The following LIN52 variants were observed in gnomAD, a reference collection of about 807,000 sequenced individuals.
The protein encoded by LIN52 is lin-52 DREAM MuvB core complex component, also known as protein lin-52 homolog.
LIN52 carries 4 observed loss-of-function variants against 18.5 expected under a neutral mutation model. That is an observed-to-expected ratio of 0.22 (90% CI 0.11 to 0.49). LIN52 has a LOEUF of 0.49. Ranked by LOEUF, LIN52 falls within the 20% of genes least tolerant of loss-of-function variation. The pLI is 0.97. For synonymous variants in LIN52, 34 were observed against 45.5 expected, an observed-to-expected ratio of 0.75 and a Z score of 1.02; for missense variants, 102 against 139.5, an observed-to-expected ratio of 0.73 and a Z score of 1.35.
chr14:74,126,047 A>AG (rs2061028203), intron 5 of LIN52, among the ~76,000 whole-genome samples: 2 of 132,500 alleles, frequency 1.5e-5, no homozygotes, highest in East Asian at 5.7e-4. Flanking sequence ...AAAAAAAAAA[A>AG]AAAGAAATGA....
chr14:74,143,142 A>G (rs1194098892), intron 5 of LIN52, among the ~76,000 whole-genome samples: 2 of 152,140 alleles, frequency 1.3e-5, no homozygotes, highest in African/African-American at 4.8e-5. Flanking sequence ...AGTATAAATT[A>G]TCAATTTCCT....
At chr14:74,186,995 C>T (rs940365036) in intron 5 of LIN52, among the ~76,000 whole-genome samples, 2 of 152,038 alleles carry the variant, frequency 1.3e-5, no homozygotes, top group Admixed American at 6.6e-5. Flanking sequence ...ACAAGAATCA[C>T]TTGAATGGGA....
chr14:74,176,031 G>A (rs115405363), intron 5 of LIN52, among the ~76,000 whole-genome samples: 2,402 of 152,136 alleles, frequency 0.016, 62 homozygotes, highest in African/African-American at 0.054. Flanking sequence ...TAGGATCATG[G>A]GCATTACTCT....
rs35116380 is a variant in LIN52 at position 74,162,475 on chromosome 14, C to CAAA, written c.284-36429_284-36427dup. On this transcript the variant is annotated intron_variant, in intron 5 of 5. Transcript: ENST00000555028. The stretch of plus-strand genomic sequence containing the variant: ...AGCAACAAAGCAAGACTCCATCTCA[C>CAAA]AAAAAAAAAAAAAAAAAAAAGATTG... Among the ~76,000 whole-genome samples the CAAA allele has an allele frequency of 7.5e-3, 712 of 95,204 alleles. 24 individuals are homozygous for CAAA. Among genetic ancestry groups the CAAA allele is most frequent in the Middle Eastern group, 0.023 (4 of 174 alleles). The allele number at this position is 95,204 out of a possible 152,430, so 62.5% of individuals were successfully genotyped here.
chr14:74,169,096 T>C (rs889871086), intron 5 of LIN52, among the ~76,000 whole-genome samples: 3 of 152,276 alleles, frequency 2.0e-5, no homozygotes, highest in East Asian at 1.9e-4. Flanking sequence ...ATGTTAAAAT[T>C]TGGAAACTCT....
chr14:74,174,730 G>T (rs1006916322), intron 5 of LIN52: 1 of 151,064 alleles, frequency 6.6e-6, no homozygotes, highest in Non-Finnish European at 1.5e-5. Flanking sequence ...TCCAGCTTGG[G>T]CAACAAAGTG....
chr14:74,133,788 A>G (rs1381327547), intron 5 of LIN52, among the ~76,000 whole-genome samples: 1 of 152,198 alleles, frequency 6.6e-6, no homozygotes, highest in Non-Finnish European at 1.5e-5. Context: ...ACCTTCAGAG[A>G]TGGCAGTGGG....
At chr14:74,196,392 AG>A (rs2078912419) in intron 5 of LIN52, among the ~76,000 whole-genome samples, 2 of 152,222 alleles carry the variant, frequency 1.3e-5, no homozygotes, top group South Asian at 4.1e-4. Context: ...GAAGGTCAGC[AG>A]GCAGAAATCA....
chr14:74,101,130 G>A (rs2060851252), intron 4 of LIN52, 25 bp from the exon 5 acceptor site: 1 of 1,590,616 alleles, frequency 6.3e-7, no homozygotes, highest in Non-Finnish European at 8.6e-7. Flanking sequence ...AAGAAATGAT[G>A]TTGAAATAAA....
At chr14:74,098,713 A>G (rs1336145225) in intron 4 of LIN52, among the ~76,000 whole-genome samples, 1 of 151,702 alleles carries the variant, frequency 6.6e-6, no homozygotes, top group Admixed American at 6.6e-5. Context: ...ACGTCCAGCT[A>G]ATTTTTGTAG....
At chr14:74,172,542 A>C (rs190654173) in intron 5 of LIN52, among the ~76,000 whole-genome samples, 1 of 152,174 alleles carries the variant, frequency 6.6e-6, no homozygotes, top group African/African-American at 2.4e-5. Context: ...CGTGTGCTCT[A>C]AGTTTGATCA....
chr14:74,199,019 C>T lies in LIN52; in HGVS notation c.*42C>T. On this transcript the variant is annotated 3_prime_UTR_variant, in exon 6 of 6. Transcript: ENST00000555028. Reference sequence around the variant, plus strand: ...GGATGTCCTGGGGTCCGAAACCAAGCTCCCTTCCCGGTGCACCTCTAACAA... The same window carrying T: ...GGATGTCCTGGGGTCCGAAACCAAGTTCCCTTCCCGGTGCACCTCTAACAA... The T allele has an allele frequency of 6.9e-7, 1 of 1,439,856 alleles. No homozygotes were observed. The highest frequency in any genetic ancestry group is 9.8e-7 in the Non-Finnish European group (1 of 1,023,312). 89.2% of individuals were successfully genotyped at this position (1,439,856 alleles called of 1,614,324 possible).
intron 5 of LIN52, among the ~76,000 whole-genome samples, chr14:74,113,520 G>A (rs942920145): frequency 4.6e-5 from 7 of 152,112 alleles, no homozygotes; most frequent in Admixed American, 6.5e-5. Flanking sequence ...CTCAAGGAAC[G>A]GTGCGAGTGG....
chr14:74,135,657 A>T (rs17096949), intron 5 of LIN52, among the ~76,000 whole-genome samples: 10,357 of 152,238 alleles, frequency 0.068, 547 homozygotes, highest in South Asian at 0.26. Flanking sequence ...TGTTGCAAGA[A>T]TAAGATTTGA....
intron 5 of LIN52, among the ~76,000 whole-genome samples, chr14:74,182,512 AGATGCTGATTTG>A (rs2061322401): frequency 1.3e-5 from 2 of 152,112 alleles, no homozygotes; most frequent in Admixed American, 1.3e-4. Context: ...CAAGTAATGT[AGATGCTGATTTG>A]GACAAATCAG....
intron 5 of LIN52, among the ~76,000 whole-genome samples, chr14:74,121,760 G>A (rs1432689902): frequency 5.5e-5 from 8 of 144,902 alleles, no homozygotes; most frequent in Non-Finnish European, 1.0e-4. Flanking sequence ...GTCTCACTCC[G>A]TCACCCAGGC....
intron 5 of LIN52, among the ~76,000 whole-genome samples, chr14:74,187,533 C>G (rs1424301935): frequency 3.3e-5 from 5 of 152,104 alleles, no homozygotes; most frequent in African/African-American, 1.2e-4. Flanking sequence ...CTAAATAAAA[C>G]AACTTCATTA....
intron 5 of LIN52, among the ~76,000 whole-genome samples, chr14:74,139,991 C>T (rs1383083364): frequency 6.6e-6 from 1 of 151,934 alleles, no homozygotes. Context: ...AAAGCTATCC[C>T]TTTTATAATA....
intron 5 of LIN52, among the ~76,000 whole-genome samples, chr14:74,113,161 G>C (rs1179871914): frequency 6.6e-6 from 1 of 152,206 alleles, no homozygotes; most frequent in African/African-American, 2.4e-5. Context: ...GGAAGGCTGA[G>C]TTGGGTGATC....
Sources: gnomAD v4.1 joint callset for allele counts (sites outside exome capture counted in the v4.1 genomes callset) on GRCh38, gnomAD v4.1.1 for gene constraint, MANE v1.5 for transcripts, NCBI Gene and HGNC (gene_info 2026-07-23, HGNC 2026-07-21) for gene names.